Variants in ZFHX3 observed in about 807,000 individuals in gnomAD.
The protein encoded by ZFHX3 is zinc finger homeobox protein 3.
Under a neutral mutation model 279.1 loss-of-function variants are expected in ZFHX3, and 42 were observed. The ratio of observed to expected loss-of-function variants is 0.15; its 90% confidence interval spans 0.12 to 0.19. The LOEUF is 0.19. Among genes scored for constraint, ZFHX3 ranks in the 10% least tolerant of loss-of-function variants. The pLI is 1.00. For synonymous variants in ZFHX3, 2,293 were observed against 1,957.8 expected (o/e 1.17, Z -4.52); for missense variants, 4,981 against 4,754.0 (o/e 1.05, Z -1.40).
Position 72,941,025 on chromosome 16 carries a change from A to G in ZFHX3, c.3216+9444T>C, listed in dbSNP as rs138872425. 2.9e-3 allele frequency among the ~76,000 whole-genome samples: 449 copies of G among 152,364 alleles called. 1 individual carries two copies. Among genetic ancestry groups the G allele is most frequent in the Middle Eastern group, 0.014 (4 of 294 alleles). On this transcript the variant is annotated intron_variant, in intron 3 of 9. Transcript: ENST00000268489. Reference sequence around the variant, plus strand: ...TGCTGTGAATTTTCATGGTCTACATATAAGTAACCAGTGCAGGAGGAGACC... The same window carrying G: ...TGCTGTGAATTTTCATGGTCTACATGTAAGTAACCAGTGCAGGAGGAGACC...
intron 3 of ZFHX3, among the ~76,000 whole-genome samples, chr16:73,362,806 T>G (rs1397624373): frequency 1.3e-5 from 2 of 152,218 alleles, no homozygotes; most frequent in Non-Finnish European, 2.9e-5. Flanking sequence ...ATAGGCTGTC[T>G]GAATTAGGAA....
At chr16:73,442,579 T>C (rs1299322396) in intron 3 of ZFHX3, among the ~76,000 whole-genome samples, 1 of 152,180 alleles carries the variant, frequency 6.6e-6, no homozygotes, top group Non-Finnish European at 1.5e-5. Context: ...AATAGAAAAG[T>C]GGAAAAACAA....
chr16:73,474,933 A>G (rs1195964878), intron 2 of ZFHX3, among the ~76,000 whole-genome samples: 1 of 152,112 alleles, frequency 6.6e-6, no homozygotes, highest in Non-Finnish European at 1.5e-5. Context: ...TTCTTTCCAA[A>G]TGGGGCTGGG....
chr16:73,653,044 G>A (rs796667852), intron 2 of ZFHX3, among the ~76,000 whole-genome samples: 16 of 152,142 alleles, frequency 1.1e-4, no homozygotes, highest in African/African-American at 2.4e-4. Context: ...AAGAAAGAAC[G>A]TGAACATATC....
At chr16:73,346,908 C>A (rs1373737247) in intron 3 of ZFHX3, among the ~76,000 whole-genome samples, 2 of 152,162 alleles carry the variant, frequency 1.3e-5, no homozygotes, top group African/African-American at 4.8e-5. Flanking sequence ...TTGTAATTAT[C>A]CTTATTATTT....
Position 73,794,565 on chromosome 16 carries a change from G to T in ZFHX3, c.-1608+97086C>A, listed in dbSNP as rs543923885. On this transcript the variant is annotated intron_variant, in intron 1 of 17. Transcript: ENST00000641206. ...CACGACTGTGCTTTATAACCATGAG[G>T]CGATCCTGAGAGGGGACATAGGGAC... Among the ~76,000 whole-genome samples the T allele has an allele frequency of 1.5e-4, 23 of 152,136 alleles. No homozygotes were observed. In the South Asian group the frequency reaches 4.8e-3, roughly 32 times the overall value.
chr16:73,023,066 A>G (rs1964363520), intron 1 of ZFHX3, among the ~76,000 whole-genome samples: 1 of 152,104 alleles, frequency 6.6e-6, no homozygotes. Context: ...CATCTCTACT[A>G]AAAATAAAAA....
intron 2 of ZFHX3, among the ~76,000 whole-genome samples, chr16:72,955,203 C>G (rs1210219245): frequency 6.6e-6 from 1 of 152,184 alleles, no homozygotes; most frequent in Non-Finnish European, 1.5e-5. Flanking sequence ...TTTCCAGGGA[C>G]TCCCCGTGGC....
chr16:73,622,896 A>T (rs895706668), intron 2 of ZFHX3, among the ~76,000 whole-genome samples: 2 of 152,356 alleles, frequency 1.3e-5, no homozygotes, highest in African/African-American at 4.8e-5. Flanking sequence ...CCTAGCAGAC[A>T]TATTTCACAC....
intron 2 of ZFHX3, among the ~76,000 whole-genome samples, chr16:73,580,990 A>C (rs2051855355): frequency 6.6e-6 from 1 of 151,826 alleles, no homozygotes; most frequent in Admixed American, 6.6e-5. Context: ...TCAGTGGGGA[A>C]TGGTATTTAG....
intron 4 of ZFHX3, among the ~76,000 whole-genome samples, chr16:72,880,604 A>G (rs2038439165): frequency 6.6e-6 from 1 of 152,212 alleles, no homozygotes; most frequent in Non-Finnish European, 1.5e-5. Flanking sequence ...GGTGAAAAAT[A>G]CACACATTCT....
intron 2 of ZFHX3, among the ~76,000 whole-genome samples, chr16:73,465,024 G>A (rs986437338): frequency 6.6e-6 from 1 of 152,172 alleles, no homozygotes; most frequent in Non-Finnish European, 1.5e-5. Context: ...GCCCTAAGCA[G>A]GCTGGCACGA....
chr16:73,278,521 G>A (rs7499036), intron 4 of ZFHX3, among the ~76,000 whole-genome samples: 70,646 of 152,092 alleles, frequency 0.46, 16,761 homozygotes, highest in East Asian at 0.64. Flanking sequence ...CAGTAGCAAG[G>A]TTTATTGTGA....
intron 2 of ZFHX3, among the ~76,000 whole-genome samples, chr16:73,586,508 C>G (rs2051928653): frequency 6.7e-6 from 1 of 149,254 alleles, no homozygotes; most frequent in Non-Finnish European, 1.5e-5. Flanking sequence ...CCTACTACAG[C>G]TATACTATTA....
intron 1 of ZFHX3, among the ~76,000 whole-genome samples, chr16:72,971,599 G>C (rs568987909): frequency 1.3e-5 from 2 of 152,156 alleles, no homozygotes; most frequent in South Asian, 2.1e-4. Flanking sequence ...ATTTCTGGAA[G>C]TAGAGTTGCT....
At chr16:73,537,314 CTTTTTTTT>C (rs3051948) in intron 2 of ZFHX3, among the ~76,000 whole-genome samples, 54 of 77,624 alleles carry the variant, frequency 7.0e-4, no homozygotes, top group African/African-American at 2.0e-3. Context: ...CTTTCTTCTT[CTTTTTTTT>C]TTTTTTTTTT....
chr16:72,957,188 C>T (rs749897986), intron 2 of ZFHX3, among the ~76,000 whole-genome samples: 43 of 152,306 alleles, frequency 2.8e-4, no homozygotes, highest in Non-Finnish European at 3.4e-4. Context: ...ACATTTTAAT[C>T]CTGGCCCCAC....
Position 73,434,120 on chromosome 16 carries a change from T to C in ZFHX3, c.-1291+21883A>G, listed in dbSNP as rs138864138. On this transcript the variant is annotated intron_variant, in intron 3 of 17. Coordinates refer to the ZFHX3 transcript ENST00000641206. ...CAATAAACCGCCCAAACACACACTG[T>C]AATTCAGAATACGGGGAGGCCCATC... Among the ~76,000 whole-genome samples, 9 of 152,346 alleles carry C rather than the reference T, an allele frequency of 5.9e-5. No individual in the cohort carries two copies. The East Asian group carries it at 1.5e-3, about 26-fold the overall frequency.
intron 2 of ZFHX3, among the ~76,000 whole-genome samples, chr16:73,599,732 T>TAAA (rs67036720): frequency 0.088 from 12,705 of 144,022 alleles, 611 homozygotes; most frequent in African/African-American, 0.12. Flanking sequence ...AAAATGTCAT[T>TAAA]AAAAAAAAAA....
Sources: allele counts gnomAD v4.1 joint callset (sites outside exome capture counted in the v4.1 genomes callset), GRCh38; gene constraint gnomAD v4.1.1; transcripts MANE v1.5; gene names NCBI Gene and HGNC (gene_info 2026-07-23, HGNC 2026-07-21).